Variants in GLS observed in about 807,000 individuals in gnomAD.
The protein encoded by GLS is glutaminase.
Under a neutral mutation model 86.7 loss-of-function variants are expected in GLS, and 36 were observed. That is an observed-to-expected ratio of 0.42 (90% CI 0.32 to 0.55). The LOEUF (loss-of-function observed/expected upper bound fraction) is 0.55. Ranked by LOEUF, GLS falls within the 20% of genes least tolerant of loss-of-function variation. The pLI is 0.17. For missense variants in GLS, 528 were observed against 833.4 expected, an observed-to-expected ratio of 0.63 and a Z score of 4.51; for synonymous variants, 317 against 305.9, an observed-to-expected ratio of 1.04 and a Z score of -0.38.
intron 1 of GLS, among the ~76,000 whole-genome samples, chr2:190,882,630 ATTGAAG>A (rs1688241545): frequency 6.6e-6 from 1 of 152,146 alleles, no homozygotes; most frequent in Admixed American, 6.5e-5. Context: ...TTTTCCTGTA[ATTGAAG>A]TTGGGACCTT....
chr2:190,891,038 T>TC (rs1036713477), intron 1 of GLS, among the ~76,000 whole-genome samples: 5 of 151,788 alleles, frequency 3.3e-5, no homozygotes, highest in Admixed American at 6.6e-5. Context: ...AGGATTTTTT[T>TC]TTTATTTTCT....
chr2:190,884,424 A>G (rs559975380), intron 1 of GLS, among the ~76,000 whole-genome samples: 1 of 152,332 alleles, frequency 6.6e-6, no homozygotes, highest in African/African-American at 2.4e-5. Flanking sequence ...TAGAGTTTTA[A>G]TTTGAAAATA....
Position 190,920,985 on chromosome 2 carries a change from A to C in GLS, c.1039-39A>C, listed in dbSNP as rs1689713959. The C allele has an allele frequency of 2.7e-6, 3 of 1,095,082 alleles. No homozygotes were observed. The South Asian group carries it at 3.8e-5, about 14-fold the overall frequency. The allele number at this position is 1,095,082 out of a possible 1,614,324, so 67.8% of individuals were successfully genotyped here. A position where few individuals can be genotyped will look rare whatever the true frequency, so the allele number is the denominator to read the frequency against. ...TGGCTTGAAACTTAACTGTAGTGGT[A>C]CCTATATTAACGTATTTATGTCTCT... On this transcript the variant is annotated intron_variant, in intron 7 of 17. Transcript: ENST00000320717. This position sits in a 1 kb window ranked among gnomAD's most constrained non-coding sequence, Gnocchi z 4.2.
In GLS at chr2:190,917,804, T is replaced by C. The variant is rs1689588976; in HGVS notation, c.1039-3220T>C. ...TTTTGAAAGAAATATTTTTTTTTTT[T>C]CTGGCTGGTCATGGTGGCTCACACC... On this transcript the variant is annotated intron_variant, in intron 7 of 17. Coordinates refer to ENST00000320717, the MANE Select transcript of GLS (RefSeq NM_014905.5). Among the ~76,000 whole-genome samples the C allele has an allele frequency of 2.0e-5, 3 of 150,210 alleles. No homozygotes were observed. The South Asian group carries it at 6.2e-4, about 31-fold the overall frequency.
intron 3 of GLS, among the ~76,000 whole-genome samples, chr2:190,900,347 T>A (rs1164229510): frequency 6.6e-6 from 1 of 152,126 alleles, no homozygotes; most frequent in Non-Finnish European, 1.5e-5. Flanking sequence ...TTTAGGCACA[T>A]CCAGATTAAT....
intron 14 of GLS, among the ~76,000 whole-genome samples, chr2:190,952,475 A>C (rs1690739429): frequency 6.6e-6 from 1 of 152,206 alleles, no homozygotes; most frequent in African/African-American, 2.4e-5. Context: ...AGTTTCTGCA[A>C]ATTACACTTT....
intron 1 of GLS, among the ~76,000 whole-genome samples, chr2:190,887,197 C>T (rs1203006156): frequency 2.0e-5 from 3 of 152,116 alleles, no homozygotes; most frequent in Admixed American, 6.5e-5. Context: ...ACTGATATCT[C>T]TCAGTGAGGT....
Position 190,895,736 on chromosome 2 carries a change from C to G in GLS, c.605+11C>G, listed in dbSNP as rs758411267. Reference sequence around the variant, plus strand: ...AGATCTTTTTAAAAAGTAAAAGTTTCTGCCAAACCTTTAATGGTGATTTGC... The same window carrying G: ...AGATCTTTTTAAAAAGTAAAAGTTTGTGCCAAACCTTTAATGGTGATTTGC... On this transcript the variant is annotated intron_variant, in intron 3 of 17. Coordinates refer to ENST00000320717, the MANE Select transcript of GLS (RefSeq NM_014905.5). The surrounding 1 kb of genome is among the most constrained non-coding windows in gnomAD (Gnocchi z 4.2). 6.4e-7 allele frequency: 1 copy of G among 1,570,884 alleles called. No individual in the cohort carries two copies. Among genetic ancestry groups the G allele is most frequent in the Non-Finnish European group, 8.7e-7 (1 of 1,152,544 alleles).
intron 7 of GLS, among the ~76,000 whole-genome samples, chr2:190,915,570 A>G (rs1255148969): frequency 6.6e-6 from 1 of 152,220 alleles, no homozygotes; most frequent in Non-Finnish European, 1.5e-5. Flanking sequence ...AATTCTTTCC[A>G]AGGAATAAAG....
Position 190,895,264 on chromosome 2 carries a change from T to G in GLS, c.483+16T>G, listed in dbSNP as rs773831916. On this transcript the variant is annotated intron_variant, in intron 2 of 17. Transcript: ENST00000320717. This position sits in a 1 kb window ranked among gnomAD's most constrained non-coding sequence, Gnocchi z 4.2. ...ATTTATTACAGTAAGTTTTTATATT[T>G]TTCTATCTTAACTTAAAAAAATCAA... is the stretch of plus-strand genomic sequence containing the variant. The G allele has an allele frequency of 1.0e-6, 1 of 1,001,344 alleles. No individual in the cohort carries two copies. The highest frequency in any genetic ancestry group is 1.6e-6 in the Non-Finnish European group (1 of 636,930). 62.0% of individuals were successfully genotyped at this position (1,001,344 alleles called of 1,614,324 possible). A position where few individuals can be genotyped will look rare whatever the true frequency, so the allele number is the denominator to read the frequency against.
At chr2:190,881,645 C>G (rs956208569) in intron 1 of GLS, 175 bp downstream of exon 1, 2 of 581,872 alleles carry the variant, frequency 3.4e-6, no homozygotes, top group Admixed American at 8.3e-5. Flanking sequence ...CCCGCCCGCG[C>G]CTTCCCCGCC....
chr2:190,883,922 C>G (rs762073316), intron 1 of GLS, among the ~76,000 whole-genome samples: 1 of 151,970 alleles, frequency 6.6e-6, no homozygotes, highest in African/African-American at 2.4e-5. Flanking sequence ...ACCTTTTTTT[C>G]ACAAACTCTT....
In GLS at chr2:190,927,370, GTTT is replaced by G; in HGVS notation, c.1314_1316del (p.Phe439del). ...ATGGCTGCGACACTGGCTAATGGTGGTTTCTGCCCAATTACTGGTGAAAGAGTA... is the reference window on the plus strand; with the variant it reads ...ATGGCTGCGACACTGGCTAATGGTGGCTGCCCAATTACTGGTGAAAGAGTA... On this transcript the variant is annotated inframe_deletion, in exon 12 of 18. Transcript: ENST00000320717. The G allele has an allele frequency of 6.2e-7, 1 of 1,613,864 alleles. No individual in the cohort carries two copies. Among genetic ancestry groups the G allele is most frequent in the Non-Finnish European group, 8.5e-7 (1 of 1,179,804 alleles).
intron 14 of GLS, among the ~76,000 whole-genome samples, chr2:190,941,084 C>T (rs1391169127): frequency 6.6e-6 from 1 of 152,120 alleles, no homozygotes; most frequent in Non-Finnish European, 1.5e-5. Context: ...GGTTCTTATT[C>T]AACTAATGTT....
intron 14 of GLS, among the ~76,000 whole-genome samples, chr2:190,942,297 G>C (rs1002301532): frequency 4.6e-5 from 7 of 151,724 alleles, no homozygotes; most frequent in South Asian, 2.1e-4. Flanking sequence ...AGCCAAGATG[G>C]TCTCGATCTC....
chr2:190,889,180 A>G (rs780592725), intron 1 of GLS, among the ~76,000 whole-genome samples: 2 of 152,244 alleles, frequency 1.3e-5, no homozygotes, highest in Non-Finnish European at 2.9e-5. Flanking sequence ...GCAGATATTA[A>G]ATGACCTAAA....
intron 14 of GLS, among the ~76,000 whole-genome samples, chr2:190,940,403 A>G (rs1335483000): frequency 2.6e-5 from 4 of 152,022 alleles, no homozygotes; most frequent in African/African-American, 9.7e-5. Flanking sequence ...TAATCATACC[A>G]ATAAAATATT....
Position 190,910,248 on chromosome 2 carries a change from T to A in GLS, c.980-15T>A, listed in dbSNP as rs777773928. ...TAAGTATTTGAAATAATGGTATTGC[T>A]TTTATATTTTACAGATAAACCACAT... On this transcript the variant is annotated splice_polypyrimidine_tract_variant and intron_variant, in intron 6 of 17. Transcript: ENST00000320717. 2 of 1,420,360 alleles carry A rather than the reference T, an allele frequency of 1.4e-6. No homozygotes were observed. The highest frequency in any genetic ancestry group is 2.0e-6 in the Non-Finnish European group (2 of 1,015,016). 88.0% of individuals were successfully genotyped at this position (1,420,360 alleles called of 1,614,324 possible). A position where few individuals can be genotyped will look rare whatever the true frequency, so the allele number is the denominator to read the frequency against.
Position 190,954,737 on chromosome 2 carries a change from G to C in GLS, c.1790-18G>C, listed in dbSNP as rs1690816788. Reference sequence around the variant, plus strand: ...TAGTACTAAAATCTGCTCTTTTTTTGGGGGTGGGACGGTATAGGTCATGTT... The same window carrying C: ...TAGTACTAAAATCTGCTCTTTTTTTCGGGGTGGGACGGTATAGGTCATGTT... On this transcript the variant is annotated intron_variant, in intron 16 of 17. Coordinates refer to ENST00000320717, the MANE Select transcript of GLS (RefSeq NM_014905.5). The surrounding 1 kb of genome is among the most constrained non-coding windows in gnomAD (Gnocchi z 4.0). 6.2e-7 allele frequency: 1 copy of C among 1,613,292 alleles called. No homozygotes were observed. Among genetic ancestry groups the C allele is most frequent in the Non-Finnish European group, 8.5e-7 (1 of 1,179,512 alleles).
Sources: allele counts gnomAD v4.1 joint callset (sites outside exome capture counted in the v4.1 genomes callset), GRCh38; gene constraint gnomAD v4.1.1; non-coding constraint Gnocchi (gnomAD v3.1); transcripts MANE v1.5; gene names NCBI Gene and HGNC (gene_info 2026-07-23, HGNC 2026-07-21).